Variants in ABHD12 observed in about 807,000 individuals in gnomAD.
ABHD12 encodes the protein abhydrolase domain containing 12, lysophospholipase.
ABHD12 carries 43 observed loss-of-function variants against 58.3 expected under a neutral mutation model. That is an observed-to-expected ratio of 0.74 (90% confidence interval 0.58 to 0.95). ABHD12 has a LOEUF of 0.95. ABHD12 is among the 40% of genes least tolerant of loss of function. The pLI, the probability that ABHD12 is intolerant of heterozygous loss-of-function variation, is 0.00. For synonymous variants in ABHD12, 219 were observed against 211.2 expected (o/e 1.04, Z -0.32); for missense variants, 539 against 537.2 (o/e 1.00, Z -0.03).
chr20:25,379,766 T>A (rs7273525), intron 1 of ABHD12, among the ~76,000 whole-genome samples: 7,815 of 152,254 alleles, frequency 0.051, 215 homozygotes, highest in Middle Eastern at 0.12. Flanking sequence ...TGTCACTCTG[T>A]TGCCCAGACC....
intron 1 of ABHD12, among the ~76,000 whole-genome samples, chr20:25,344,085 A>G (rs917955883): frequency 3.3e-5 from 5 of 152,240 alleles, no homozygotes; most frequent in African/African-American, 1.2e-4. Flanking sequence ...ATGATTAAAA[A>G]GCCTCAGCAC....
intron 4 of ABHD12, among the ~76,000 whole-genome samples, chr20:25,319,033 G>GC (rs2145967105): frequency 6.6e-6 from 1 of 152,286 alleles, no homozygotes; most frequent in East Asian, 1.9e-4. Flanking sequence ...TAAAATGTTT[G>GC]CCCCCAGCCC....
chr20:25,322,381 A>ATATATATATATATATTTTTT, intron 3 of ABHD12, among the ~76,000 whole-genome samples: 6 of 59,262 alleles, frequency 1.0e-4, no homozygotes, highest in Admixed American at 6.3e-4. Flanking sequence ...ATATATATAT[A>ATATATATATATATATTTTTT]TTTTTTTTTT....
intron 4 of ABHD12, among the ~76,000 whole-genome samples, chr20:25,318,769 T>C (rs2089011059): frequency 6.6e-6 from 1 of 152,226 alleles, no homozygotes; most frequent in African/African-American, 2.4e-5. Context: ...GAGCTGTTTG[T>C]AGCCACTTGC....
intron 1 of ABHD12, among the ~76,000 whole-genome samples, chr20:25,382,854 C>T (rs2090038079): frequency 6.6e-6 from 1 of 152,148 alleles, no homozygotes; most frequent in Non-Finnish European, 1.5e-5. Context: ...GGCAAAGCAC[C>T]AAGTCCCAGT....
intron 1 of ABHD12, chr20:25,390,198 T>G: frequency 1.2e-5 from 3 of 245,436 alleles, no homozygotes; most frequent in Admixed American, 5.7e-5. Context: ...GCCCCCAGCG[T>G]AAGGGTCCCC....
At chr20:25,323,125 G>C (rs1373659303) in intron 3 of ABHD12, among the ~76,000 whole-genome samples, 200 bp downstream of exon 3, 1 of 152,202 alleles carries the variant, frequency 6.6e-6, no homozygotes, top group African/African-American at 2.4e-5. Context: ...TGTTTTGAAA[G>C]GCTGGGAATA....
At chr20:25,332,034 C>G (rs1381921313) in intron 2 of ABHD12, among the ~76,000 whole-genome samples, 1 of 152,084 alleles carries the variant, frequency 6.6e-6, no homozygotes, top group Admixed American at 6.6e-5. Flanking sequence ...AGTCAAGACC[C>G]ATCAGTGTGC....
intron 1 of ABHD12, among the ~76,000 whole-genome samples, chr20:25,370,849 C>CTT (rs201094435): frequency 0.029 from 3,996 of 139,382 alleles, 174 homozygotes; most frequent in African/African-American, 0.089. Context: ...CCTTTATTGA[C>CTT]TTTTTTTTTT....
chr20:25,347,601 G>A (rs2089536825), intron 1 of ABHD12, among the ~76,000 whole-genome samples: 1 of 152,070 alleles, frequency 6.6e-6, no homozygotes, highest in Non-Finnish European at 1.5e-5. Context: ...AAGGCAGCAG[G>A]ACGCCTTGAG....
At chr20:25,313,818 G>A (rs2088910122) in intron 6 of ABHD12, among the ~76,000 whole-genome samples, 1 of 143,634 alleles carries the variant, frequency 7.0e-6, no homozygotes, top group African/African-American at 2.6e-5. Context: ...CAAACCAGTC[G>A]CTCATTGTTA....
At chr20:25,342,776 C>T (rs948709996) in intron 1 of ABHD12, among the ~76,000 whole-genome samples, 2 of 151,966 alleles carry the variant, frequency 1.3e-5, no homozygotes, top group East Asian at 1.9e-4. Flanking sequence ...TTTGTAGATA[C>T]GAGGTCTCCC....
intron 1 of ABHD12, among the ~76,000 whole-genome samples, chr20:25,385,372 A>G (rs1244711393): frequency 2.0e-5 from 3 of 151,902 alleles, no homozygotes; most frequent in Non-Finnish European, 4.4e-5. Context: ...AACGGAGGAA[A>G]AACCCTAATT....
chr20:25,313,977 T>TCC (rs1363218450), intron 6 of ABHD12, among the ~76,000 whole-genome samples: 1 of 91,456 alleles, frequency 1.1e-5, no homozygotes, highest in African/African-American at 6.4e-5. Flanking sequence ...CTCTTAACAG[T>TCC]TCTTTTTTTT....
intron 1 of ABHD12, among the ~76,000 whole-genome samples, chr20:25,369,511 G>A (rs1035162442): frequency 1.3e-4 from 20 of 152,088 alleles, no homozygotes; most frequent in Non-Finnish European, 2.8e-4. Context: ...CTCCACACAA[G>A]GCTTTAGGGT....
chr20:25,360,141 G>A (rs73614591), intron 1 of ABHD12, among the ~76,000 whole-genome samples: 7,701 of 150,780 alleles, frequency 0.051, 211 homozygotes, highest in Middle Eastern at 0.12. Context: ...GTATATAGTG[G>A]GACGTAGGAT....
At chr20:25,303,508 T>C (rs781465185) in intron 11 of ABHD12, 42 bp downstream of exon 11, 2 of 1,608,586 alleles carry the variant, frequency 1.2e-6, no homozygotes, top group Non-Finnish European at 1.7e-6. Flanking sequence ...TGGCTGAGTG[T>C]GCAAGATGCC....
At chr20:25,322,320 A>G (rs182103549) in intron 3 of ABHD12, among the ~76,000 whole-genome samples, 8 of 145,406 alleles carry the variant, frequency 5.5e-5, no homozygotes, top group Admixed American at 5.0e-4. Flanking sequence ...GTGAAAAGAA[A>G]TCAAGCTGTT....
At chr20:25,303,022 C>T (rs1186609914) in intron 11 of ABHD12, among the ~76,000 whole-genome samples, 2 of 152,220 alleles carry the variant, frequency 1.3e-5, no homozygotes, top group African/African-American at 4.8e-5. Flanking sequence ...AAAGCAAATT[C>T]AGCAAAAGCA....
Sources: allele counts gnomAD v4.1 joint callset (sites outside exome capture counted in the v4.1 genomes callset), GRCh38; gene constraint gnomAD v4.1.1; transcripts MANE v1.5; gene names NCBI Gene and HGNC (gene_info 2026-07-23, HGNC 2026-07-21).